Variants in DHRSX observed in about 807,000 individuals in gnomAD.
DHRSX encodes the protein polyprenol dehydrogenase.
Under a neutral mutation model 34.0 loss-of-function variants are expected in DHRSX, and 31 were observed. The ratio of observed to expected loss-of-function variants is 0.91; its 90% CI spans 0.69 to 1.23. DHRSX has a LOEUF of 1.23. Ranked by LOEUF, DHRSX falls within the 50% of genes most tolerant of loss-of-function variation. DHRSX has a pLI of 0.00. For missense variants in DHRSX, 414 were observed against 428.1 expected (o/e 0.97, Z 0.29); for synonymous variants, 201 against 183.8 (o/e 1.09, Z -0.76).
intron 3 of DHRSX, among the ~76,000 whole-genome samples, chrX:2,354,166 G>A (rs995731711): frequency 3.3e-5 from 5 of 152,118 alleles, no homozygotes; most frequent in African/African-American, 7.2e-5. Context: ...CCAATGGAGC[G>A]GAGCTCTAGT....
intron 1 of DHRSX, among the ~76,000 whole-genome samples, chrX:2,485,723 G>C (rs1371747473): frequency 2.5e-5 from 2 of 80,890 alleles, no homozygotes; most frequent in Non-Finnish European, 4.7e-5. Flanking sequence ...ACGGAGAGAA[G>C]GAAGGGAGAA....
At chrX:2,485,643 A>AGGGAGGAGAGGGAG (rs1569506099) in intron 1 of DHRSX, among the ~76,000 whole-genome samples, 1 of 62,312 alleles carries the variant, frequency 1.6e-5, no homozygotes, top group African/African-American at 8.5e-5. Context: ...AGGAGAGGGA[A>AGGGAGGAGAGGGAG]GGAGGGAGGG....
At chrX:2,383,553 A>G (rs1281696140) in intron 3 of DHRSX, among the ~76,000 whole-genome samples, 1 of 152,174 alleles carries the variant, frequency 6.6e-6, no homozygotes, top group East Asian at 1.9e-4. Flanking sequence ...CACCATTATC[A>G]TCAACATCAT....
At chrX:2,363,784 G>T (rs192195634) in intron 3 of DHRSX, among the ~76,000 whole-genome samples, 1 of 150,588 alleles carries the variant, frequency 6.6e-6, no homozygotes, top group Non-Finnish European at 1.5e-5. Flanking sequence ...TTTTATCACC[G>T]TTCTATGGTA....
In DHRSX at chrX:2,457,628, C is replaced by T. The variant is rs868541270; in HGVS notation, c.110-32324G>A. Among the ~76,000 whole-genome samples, 6 of 147,124 alleles carry T rather than the reference C, an allele frequency of 4.1e-5. No individual in the cohort carries two copies. The Middle Eastern group carries it at 0.013, about 309-fold the overall frequency. On this transcript the variant is annotated intron_variant, in intron 1 of 6. Transcript: ENST00000334651. ...CACTGAAGACATCCCCTAAGAATGC[C>T]GCAAAAGAACCGCCACCGTGGACAT...
intron 3 of DHRSX, among the ~76,000 whole-genome samples, chrX:2,341,288 T>G (rs1177781694): frequency 6.6e-6 from 1 of 152,114 alleles, no homozygotes; most frequent in Non-Finnish European, 1.5e-5. Context: ...GACCCCAAAC[T>G]AGGGAGCTTA....
At chrX:2,485,797 GAGAAGGAAGGAAGGGAGAGAA>G (rs1323749556) in intron 1 of DHRSX, among the ~76,000 whole-genome samples, 1 of 42,648 alleles carries the variant, frequency 2.3e-5, no homozygotes, top group Admixed American at 2.6e-4. Flanking sequence ...AGAGAAGGGA[GAGAAGGAAGGAAGGGAGAGAA>G]GGAAGGAAGG....
chrX:2,224,887 AT>A (rs1379520432), intron 6 of DHRSX, among the ~76,000 whole-genome samples: 19 of 136,762 alleles, frequency 1.4e-4, no homozygotes, highest in African/African-American at 4.9e-4. Context: ...ACACGCACAC[AT>A]GCTCACACTC....
intron 5 of DHRSX, among the ~76,000 whole-genome samples, chrX:2,259,331 GAT>G (rs890908875): frequency 6.9e-6 from 1 of 144,512 alleles, no homozygotes; most frequent in South Asian, 2.1e-4. Flanking sequence ...GATAGATATA[GAT>G]ATATATAGAT....
intron 3 of DHRSX, among the ~76,000 whole-genome samples, chrX:2,300,211 T>C (rs2041994648): frequency 6.6e-6 from 1 of 152,124 alleles, no homozygotes; most frequent in Admixed American, 6.6e-5. Flanking sequence ...TTCTTTGCAA[T>C]AGATATAGGA....
intron 3 of DHRSX, among the ~76,000 whole-genome samples, chrX:2,311,092 A>G (rs1324242106): frequency 6.6e-6 from 1 of 151,202 alleles, no homozygotes; most frequent in African/African-American, 2.4e-5. Context: ...ACAGAAGGAG[A>G]GAGACACAGA....
chrX:2,272,728 C>T (rs905320582), intron 4 of DHRSX, among the ~76,000 whole-genome samples: 2 of 152,090 alleles, frequency 1.3e-5, no homozygotes, highest in Non-Finnish European at 2.9e-5. Context: ...TTCTTGACAC[C>T]AGAGAAAGCT....
intron 3 of DHRSX, among the ~76,000 whole-genome samples, chrX:2,377,155 A>G (rs116667854): frequency 0.061 from 9,201 of 151,986 alleles, 635 homozygotes; most frequent in African/African-American, 0.17. Context: ...ACACACAAAA[A>G]CTGTCTTCAT....
intron 3 of DHRSX, among the ~76,000 whole-genome samples, chrX:2,385,035 G>A (rs111890702): frequency 1.3e-5 from 2 of 151,962 alleles, no homozygotes; most frequent in East Asian, 1.9e-4. Context: ...CCTGGAAGGC[G>A]GAGGTTGTAG....
At chrX:2,464,625 T>C (rs934635098) in intron 1 of DHRSX, among the ~76,000 whole-genome samples, 2 of 151,440 alleles carry the variant, frequency 1.3e-5, no homozygotes, top group African/African-American at 4.9e-5. Context: ...ACTGAAGATG[T>C]TCCCTAAGTA....
At chrX:2,229,113 T>A (rs890771121) in intron 6 of DHRSX, among the ~76,000 whole-genome samples, 5 of 152,130 alleles carry the variant, frequency 3.3e-5, no homozygotes, top group African/African-American at 1.2e-4. Context: ...TGTTAGTAGA[T>A]CCTTGAGTTG....
chrX:2,230,211 A>G (rs1471780756), intron 6 of DHRSX, among the ~76,000 whole-genome samples: 1 of 69,706 alleles, frequency 1.4e-5, no homozygotes, highest in African/African-American at 4.9e-5. Context: ...GTATTTGTAC[A>G]TGTGTGCATG....
chrX:2,335,184 C>CAAA (rs34503888), intron 3 of DHRSX, among the ~76,000 whole-genome samples: 1 of 116,568 alleles, frequency 8.6e-6, no homozygotes, highest in Non-Finnish European at 1.7e-5. Flanking sequence ...GACTCCATCT[C>CAAA]AAAAAAAAAA....
At chrX:2,234,001 G>A (rs1345341870) in intron 6 of DHRSX, among the ~76,000 whole-genome samples, 4 of 152,192 alleles carry the variant, frequency 2.6e-5, no homozygotes, top group African/African-American at 9.6e-5. Context: ...GGCATAGCAG[G>A]GAAGGAGAGG....
Sources: allele counts gnomAD v4.1 joint callset (sites outside exome capture counted in the v4.1 genomes callset), GRCh38; gene constraint gnomAD v4.1.1; transcripts MANE v1.5; gene names NCBI Gene and HGNC (gene_info 2026-07-23, HGNC 2026-07-21).